Variants in HSD17B3 observed in about 807,000 individuals in gnomAD.
The protein encoded by HSD17B3 is hydroxysteroid 17-beta dehydrogenase 3.
Under a neutral mutation model 41.1 loss-of-function variants are expected in HSD17B3, and 29 were observed. That is an observed-to-expected ratio of 0.71 (90% CI 0.53 to 0.96). The LOEUF (loss-of-function observed/expected upper bound fraction) is 0.96, where lower values mean the gene tolerates loss of function less well. Among genes scored for constraint, HSD17B3 ranks in the 40% least tolerant of loss-of-function variants. The probability of loss-of-function intolerance (pLI) is 0.00; values close to 1 mark genes in which losing one functional copy is unlikely to be tolerated. For synonymous variants in HSD17B3, 126 were observed against 145.6 expected, an observed-to-expected ratio of 0.87 and a Z score of 0.97; for missense variants, 323 against 374.6, an observed-to-expected ratio of 0.86 and a Z score of 1.14.
intron 2 of HSD17B3, among the ~76,000 whole-genome samples, chr9:96,281,354 G>A (rs1189831178): frequency 6.6e-6 from 1 of 152,044 alleles, no homozygotes; most frequent in African/African-American, 2.4e-5. Flanking sequence ...TGGGTAAGTG[G>A]GGCGCATTTA....
intron 5 of HSD17B3, 155 bp from the exon 6 acceptor site, chr9:96,249,941 C>G (rs1836828161): frequency 2.0e-6 from 3 of 1,533,116 alleles, no homozygotes; most frequent in African/African-American, 2.7e-5. Context: ...TGCCTTCCAG[C>G]AAGCATGTAC....
At chr9:96,285,075 G>A (rs557319422) in intron 2 of HSD17B3, among the ~76,000 whole-genome samples, 40 of 152,274 alleles carry the variant, frequency 2.6e-4, no homozygotes, top group African/African-American at 7.9e-4. Flanking sequence ...CTCATCTCAA[G>A]TGATCTGCCT....
intron 2 of HSD17B3, among the ~76,000 whole-genome samples, chr9:96,269,733 G>A (rs1019355935): frequency 5.3e-5 from 8 of 151,766 alleles, no homozygotes; most frequent in Non-Finnish European, 8.8e-5. Flanking sequence ...GTGAAACCCC[G>A]TCTCTAGTAA....
chr9:96,272,273 A>G (rs1280797821), intron 2 of HSD17B3, among the ~76,000 whole-genome samples: 1 of 149,610 alleles, frequency 6.7e-6, no homozygotes, highest in African/African-American at 2.5e-5. Context: ...AGTACTCAAG[A>G]GCCTGAGGCA....
At position 96,240,744 on chromosome 9, in the gene HSD17B3, A is replaced by C. The variant is rs766489322; in HGVS notation, c.822+14T>G. 4.2e-5 allele frequency: 67 copies of C among 1,613,962 alleles called. No homozygotes were observed. The highest frequency in any genetic ancestry group is 5.3e-5 in the Non-Finnish European group (62 of 1,180,008). ...CCCTCCCTGGCTTCAAGAAAAGGAG[A>C]AGTTATCAATTACCAAGATTTCATG... On this transcript the variant is annotated intron_variant, in intron 10 of 10. Transcript: ENST00000375263.
At chr9:96,284,903 ATCC>A (rs1826853303) in intron 2 of HSD17B3, among the ~76,000 whole-genome samples, 2 of 149,536 alleles carry the variant, frequency 1.3e-5, no homozygotes, top group Non-Finnish European at 2.9e-5. Context: ...CAGTGGCGTG[ATCC>A]CAGCTCACTG....
intron 2 of HSD17B3, among the ~76,000 whole-genome samples, chr9:96,267,139 C>T (rs959867917): frequency 4.1e-5 from 6 of 146,544 alleles, no homozygotes; most frequent in Non-Finnish European, 8.9e-5. Context: ...AGTGGAACAG[C>T]GCCAGGCAAA....
chr9:96,277,978 A>C (rs1203474270), intron 2 of HSD17B3, among the ~76,000 whole-genome samples: 4 of 152,186 alleles, frequency 2.6e-5, no homozygotes, highest in African/African-American at 9.6e-5. Flanking sequence ...AAGTGAAATA[A>C]GTCAGACACA....
At position 96,244,400 on chromosome 9, in the gene HSD17B3, G is replaced by A. The variant is rs1477565822; in HGVS notation, c.607-6C>T. ...GAAAATGCGCACACAAACGCCTGGA[G>A]CAAGAAGGAGAGACACCTGAGGCCC... On this transcript the variant is annotated splice_region_variant and splice_polypyrimidine_tract_variant and intron_variant, in intron 8 of 10. Coordinates refer to ENST00000375263, the MANE Select transcript of HSD17B3 (RefSeq NM_000197.2). 6.2e-6 allele frequency: 10 copies of A among 1,614,038 alleles called. No individual in the cohort carries two copies. Among genetic ancestry groups the A allele is most frequent in the Non-Finnish European group, 5.9e-6 (7 of 1,180,020 alleles).
rs192568018 is a variant in HSD17B3 at position 96,275,554 on chromosome 9, T to G, written c.202-20611A>C. On this transcript the variant is annotated intron_variant, in intron 2 of 10. Transcript: ENST00000375263. ...AAGATCATGCCACTGCACTGCAGCC[T>G]GGGTGACAGAGTGAGACCCTATCTC... Among the ~76,000 whole-genome samples the G allele has an allele frequency of 1.9e-4, 29 of 151,536 alleles. No homozygotes were observed. The East Asian group carries it at 5.1e-3, about 26-fold the overall frequency.
chr9:96,272,199 T>A (rs1397148768), intron 2 of HSD17B3, among the ~76,000 whole-genome samples: 1 of 150,608 alleles, frequency 6.6e-6, no homozygotes, highest in East Asian at 2.0e-4. Flanking sequence ...TGAAACCCCA[T>A]CTCTACTGAA....
intron 4 of HSD17B3, 25 bp downstream of exon 4, chr9:96,252,778 G>A: frequency 8.4e-7 from 1 of 1,191,254 alleles, no homozygotes; most frequent in Non-Finnish European, 1.3e-6. Context: ...ATGACAACAA[G>A]CTTTGCATCT....
intron 2 of HSD17B3, among the ~76,000 whole-genome samples, chr9:96,269,680 G>T (rs1194340768): frequency 1.3e-5 from 2 of 152,052 alleles, no homozygotes; most frequent in Non-Finnish European, 2.9e-5. Context: ...GAGGCAGGTG[G>T]ATCACCTGAG....
intron 10 of HSD17B3, chr9:96,239,214 G>GT (rs756101343): frequency 1.3e-5 from 2 of 152,604 alleles, no homozygotes; most frequent in East Asian, 3.9e-4. Context: ...TGGAAGGACC[G>GT]TCATGGACCA....
chr9:96,256,090 A>G (rs189232482), intron 2 of HSD17B3: 1 of 152,320 alleles, frequency 6.6e-6, no homozygotes, highest in East Asian at 1.9e-4. Context: ...GAGACGGATG[A>G]CATTTGAATT....
At chr9:96,265,523 G>A (rs1371386121) in intron 2 of HSD17B3, among the ~76,000 whole-genome samples, 3 of 152,136 alleles carry the variant, frequency 2.0e-5, no homozygotes, top group Non-Finnish European at 4.4e-5. Context: ...CAGAAATAAT[G>A]TAATAAACAT....
At chr9:96,272,717 G>A (rs1324768792) in intron 2 of HSD17B3, among the ~76,000 whole-genome samples, 1 of 151,474 alleles carries the variant, frequency 6.6e-6, no homozygotes, top group Non-Finnish European at 1.5e-5. Context: ...CTGAGCATTT[G>A]TCCCAGAAAA....
At chr9:96,300,887 T>C (rs1827572981) in intron 1 of HSD17B3, among the ~76,000 whole-genome samples, 1 of 151,746 alleles carries the variant, frequency 6.6e-6, no homozygotes, top group Non-Finnish European at 1.5e-5. Context: ...TTGTAACACC[T>C]TCATTTCTTA....
At chr9:96,236,081 A>G (rs548433273) in intron 10 of HSD17B3, among the ~76,000 whole-genome samples, 122 of 150,900 alleles carry the variant, frequency 8.1e-4, no homozygotes, top group African/African-American at 2.9e-3. Context: ...AAGTGTTGGG[A>G]TTACAGGTGT....
Sources: gnomAD v4.1 joint callset for allele counts (sites outside exome capture counted in the v4.1 genomes callset) on GRCh38, gnomAD v4.1.1 for gene constraint, MANE v1.5 for transcripts, NCBI Gene and HGNC (gene_info 2026-07-23, HGNC 2026-07-21) for gene names.